CYFIP1: variants seen among roughly 807,000 people sequenced by gnomAD.
CYFIP1 encodes the protein cytoplasmic FMR1 interacting protein 1, also known as cytoplasmic FMR1-interacting protein 1.
Under a neutral mutation model 163.5 loss-of-function variants are expected in CYFIP1, and 58 were observed. That is an observed-to-expected ratio of 0.35 (90% CI 0.29 to 0.44). The LOEUF (loss-of-function observed/expected upper bound fraction) is 0.44. Among genes scored for constraint, CYFIP1 ranks in the 20% least tolerant of loss-of-function variants. CYFIP1 has a pLI of 1.00. For synonymous variants in CYFIP1, 663 were observed against 660.7 expected (o/e 1.00, Z -0.05); for missense variants, 1,338 against 1,653.8 (o/e 0.81, Z 3.31).
At chr15:22,940,815 C>T (rs544806477) in intron 6 of CYFIP1, among the ~76,000 whole-genome samples, 6 of 152,266 alleles carry the variant, frequency 3.9e-5, no homozygotes, top group Admixed American at 3.3e-4. Context: ...AGGAGGCAGG[C>T]AAATCACTTG....
At chr15:22,870,279 C>T in intron 30 of CYFIP1, 87 bp from the exon 31 acceptor site, 2 of 1,459,490 alleles carry the variant, frequency 1.4e-6, no homozygotes, top group Non-Finnish European at 9.3e-7. Context: ...CTTATATTTT[C>T]TCAGAAAAAT....
intron 13 of CYFIP1, among the ~76,000 whole-genome samples, chr15:22,923,214 T>C (rs987834510): frequency 5.9e-5 from 9 of 152,142 alleles, no homozygotes; most frequent in African/African-American, 1.9e-4. Flanking sequence ...GAAAATCCTA[T>C]GGCTGTAAGG....
chr15:22,869,972 A>T lies in CYFIP1; in HGVS notation c.*56T>A, dbSNP rs2141797257. 6.8e-7 allele frequency: 1 copy of T among 1,479,716 alleles called. No individual in the cohort carries two copies. The highest frequency in any genetic ancestry group is 9.0e-7 in the Non-Finnish European group (1 of 1,114,896). 91.7% of individuals were successfully genotyped at this position (1,479,716 alleles called of 1,614,324 possible). On this transcript the variant is annotated 3_prime_UTR_variant, in exon 31 of 31. Transcript: ENST00000617928. The stretch of plus-strand genomic sequence containing the variant: ...AAATAGTCCCTAAAAATCTCACTAA[A>T]TAGTTTACGGAGAGAAAGGCATGCC...
intron 13 of CYFIP1, among the ~76,000 whole-genome samples, chr15:22,920,715 G>A (rs1410200054): frequency 1.3e-5 from 2 of 152,146 alleles, no homozygotes; most frequent in East Asian, 1.9e-4. Flanking sequence ...GGAAGAAAAC[G>A]CACCCAGCTG....
At chr15:22,938,068 G>A (rs1362276945) in intron 8 of CYFIP1, among the ~76,000 whole-genome samples, 3 of 152,190 alleles carry the variant, frequency 2.0e-5, no homozygotes, top group South Asian at 4.1e-4. Flanking sequence ...CTGGGGGCTG[G>A]GCTGGTGGGA....
chr15:22,927,235 T>G (rs1268854158), intron 12 of CYFIP1, among the ~76,000 whole-genome samples: 1 of 151,844 alleles, frequency 6.6e-6, no homozygotes, highest in Non-Finnish European at 1.5e-5. Flanking sequence ...ATCCTAGCAC[T>G]TTGGGAGACT....
intron 1 of CYFIP1, among the ~76,000 whole-genome samples, chr15:22,970,882 C>T (rs886857747): frequency 6.6e-6 from 1 of 151,886 alleles, no homozygotes; most frequent in Non-Finnish European, 1.5e-5. Flanking sequence ...CGAGACCATC[C>T]TGGCTAACAC....
At chr15:22,882,091 G>C (rs1438250412) in intron 24 of CYFIP1, among the ~76,000 whole-genome samples, 155 bp from the exon 25 acceptor site, 1 of 152,194 alleles carries the variant, frequency 6.6e-6, no homozygotes, top group Non-Finnish European at 1.5e-5. Context: ...TCCACCCCGG[G>C]AGAGAGAGCA....
chr15:22,891,994 C>T (rs1173264593), intron 23 of CYFIP1, among the ~76,000 whole-genome samples: 5 of 152,212 alleles, frequency 3.3e-5, no homozygotes, highest in African/African-American at 1.2e-4. Context: ...TTCCTACAAG[C>T]GAGGACACTT....
Position 22,873,257 on chromosome 15 carries a change from C to A in CYFIP1, c.3449+234G>T, listed in dbSNP as rs900392550. ...TGGACCTCCCACCTAGAAAAATGCA[C>A]GCCCAACGTGCATACAATTGCCGTG... is the stretch of plus-strand genomic sequence containing the variant. On this transcript the variant is annotated intron_variant, in intron 29 of 30. Coordinates refer to ENST00000617928, the MANE Select transcript of CYFIP1 (RefSeq NM_014608.6). Among the ~76,000 whole-genome samples the A allele has an allele frequency of 6.6e-6, 1 of 152,138 alleles. No individual in the cohort carries two copies. Among genetic ancestry groups the A allele is most frequent in the African/African-American group, 2.4e-5 (1 of 41,430 alleles).
chr15:22,970,904 G>A (rs899178733), intron 1 of CYFIP1, among the ~76,000 whole-genome samples: 4 of 151,860 alleles, frequency 2.6e-5, no homozygotes, highest in South Asian at 2.1e-4. Context: ...GTGAAATCCC[G>A]TCTCTACTAA....
At chr15:22,909,606 A>G (rs928347117) in intron 20 of CYFIP1, among the ~76,000 whole-genome samples, 1 of 152,216 alleles carries the variant, frequency 6.6e-6, no homozygotes, top group African/African-American at 2.4e-5. Flanking sequence ...AAAATGTCCA[A>G]AAATGTGCAT....
chr15:22,902,910 C>T (rs2060443747), intron 22 of CYFIP1, among the ~76,000 whole-genome samples: 1 of 152,210 alleles, frequency 6.6e-6, no homozygotes, highest in Non-Finnish European at 1.5e-5. Context: ...CTCATCAGAG[C>T]TCGGCATCCT....
intron 18 of CYFIP1, among the ~76,000 whole-genome samples, chr15:22,911,823 T>C (rs1381134018): frequency 2.0e-5 from 3 of 152,164 alleles, no homozygotes; most frequent in African/African-American, 4.8e-5. Context: ...ATAGAAGTCA[T>C]GCGATGCAAA....
intron 9 of CYFIP1, among the ~76,000 whole-genome samples, 158 bp downstream of exon 9, chr15:22,936,946 C>A (rs1010028836): frequency 7.9e-5 from 12 of 152,126 alleles, no homozygotes; most frequent in Admixed American, 7.9e-4. Context: ...AAAGAGAAAG[C>A]GCGGTCACCT....
intron 23 of CYFIP1, among the ~76,000 whole-genome samples, chr15:22,887,016 A>C (rs1033740887): frequency 6.6e-6 from 1 of 152,092 alleles, no homozygotes; most frequent in African/African-American, 2.4e-5. Context: ...GGTTTGACTT[A>C]TTATTATGTA....
intron 23 of CYFIP1, among the ~76,000 whole-genome samples, chr15:22,884,107 G>A (rs1303099321): frequency 1.1e-5 from 1 of 91,420 alleles, no homozygotes; most frequent in East Asian, 3.3e-4. Flanking sequence ...GGGATTACAA[G>A]TGGAGATGAG....
rs1167501646 is a variant in CYFIP1, at chr15:22,869,918, C to T, written c.*110G>A. 4 of 963,522 alleles carry T rather than the reference C, an allele frequency of 4.2e-6. No individual in the cohort carries two copies. Among genetic ancestry groups the T allele is most frequent in the East Asian group, 6.5e-5 (2 of 30,616 alleles). 59.7% of individuals were successfully genotyped at this position (963,522 alleles called of 1,614,324 possible). On this transcript the variant is annotated 3_prime_UTR_variant, in exon 31 of 31. Transcript: ENST00000617928. ...AATTAAGTTTTTAGATCGAAAAGCA[C>T]CCCCTTTAACAGGTACAGAGATACT... is the stretch of plus-strand genomic sequence containing the variant.
At chr15:22,943,381 A>T in intron 5 of CYFIP1, 27 bp from the exon 6 acceptor site, 1 of 1,609,384 alleles carries the variant, frequency 6.2e-7, no homozygotes, top group Non-Finnish European at 8.5e-7. Flanking sequence ...GGAGGGCAGA[A>T]AGCTGCAGGT....
Sources: gnomAD v4.1 joint callset for allele counts (sites outside exome capture counted in the v4.1 genomes callset) on GRCh38, gnomAD v4.1.1 for gene constraint, MANE v1.5 for transcripts, NCBI Gene and HGNC (gene_info 2026-07-23, HGNC 2026-07-21) for gene names.